The following ZNF778 variants were observed in gnomAD, a reference collection of about 807,000 sequenced individuals.
ZNF778 encodes the protein zinc finger protein 778.
A neutral mutation model predicts 23.9 loss-of-function variants in ZNF778; 37 were observed. The ratio of observed to expected loss-of-function variants is 1.54; its 90% CI spans 1.19 to 2.03. The LOEUF (loss-of-function observed/expected upper bound fraction) is 2.03, where lower values mean the gene tolerates loss of function less well. ZNF778 is among the 30% of genes most tolerant of loss of function. The pLI, the probability that ZNF778 is intolerant of heterozygous loss-of-function variation, is 0.00. For missense variants in ZNF778, 1,297 were observed against 934.4 expected (o/e 1.39, Z -5.06); for synonymous variants, 483 against 343.9 (o/e 1.40, Z -4.48).
rs774121577 is a variant in ZNF778, at chr16:89,222,168, G to A, written c.102G>A (p.Leu34=). 1.9e-6 allele frequency: 3 copies of A among 1,604,938 alleles called. No homozygotes were observed. Among genetic ancestry groups the A allele is most frequent in the Admixed American group, 1.7e-5 (1 of 59,030 alleles). The change falls in exon 3 of 7, where the codon CTG becomes CTA. Residue 34 remains leucine, a synonymous_variant. Transcript: ENST00000433976. The part of the protein sequence containing the change: ...TQAAGMVAGW[L]INCYQDAVTF... Reference sequence around the variant, plus strand: ...CAGCAGGGATGGTGGCTGGCTGGCTGATAAATTGTTACCAGGTATGCCAAA... The same window carrying A: ...CAGCAGGGATGGTGGCTGGCTGGCTAATAAATTGTTACCAGGTATGCCAAA...
intron 4 of ZNF778, chr16:89,224,489 G>T (rs2031283143): frequency 4.9e-6 from 2 of 404,678 alleles, no homozygotes; most frequent in East Asian, 8.7e-5. Context: ...CGTGGTGGCG[G>T]GCACCTATAG....
rs766303066 is a variant in ZNF778 at position 89,228,345 on chromosome 16, C to T, written c.2057C>T (p.Ser686Phe). The change falls in exon 7 of 7, where the codon TCT (serine) becomes TTT (phenylalanine). Residue 686 changes from serine (S) to phenylalanine (F), a missense_variant. Coordinates refer to ENST00000433976, the MANE Select transcript of ZNF778 (RefSeq NM_001201407.2). ...NECGKAFRAS[S>F]HLHKHGRIHT... ...TGTGGGAAAGCCTTCCGTGCCTCCT[C>T]TCACCTGCATAAACATGGAAGAATT... 9 of 1,613,590 alleles carry T rather than the reference C, an allele frequency of 5.6e-6. No homozygotes were observed. In the East Asian group the frequency reaches 1.1e-4, roughly 20 times the overall value.
chr16:89,223,087 G>C (rs2031124783), intron 3 of ZNF778, 70 bp from the exon 4 acceptor site: 4 of 1,556,728 alleles, frequency 2.6e-6, no homozygotes, highest in Non-Finnish European at 3.5e-6. Flanking sequence ...GTAGGGCCCC[G>C]CCTCCTCATT....
In ZNF778 at chr16:89,228,354, A is replaced by G. The variant is rs866553976; in HGVS notation, c.2066A>G (p.His689Arg). The G allele has an allele frequency of 1.2e-6, 2 of 1,613,616 alleles. No individual in the cohort carries two copies. Among genetic ancestry groups the G allele is most frequent in the Non-Finnish European group, 1.7e-6 (2 of 1,179,748 alleles). The change falls in exon 7 of 7, where the codon CAT becomes CGT. Residue 689 changes from histidine (H) to arginine (R), a missense_variant. Transcript: ENST00000433976. ...GCCTTCCGTGCCTCCTCTCACCTGC[A>G]TAAACATGGAAGAATTCACACTGGG... is the stretch of plus-strand genomic sequence containing the variant. ...GKAFRASSHL[H>R]KHGRIHTGQK... is the part of the protein sequence containing the mutation.
rs1231279200 is a variant in ZNF778, at chr16:89,233,255, TCGC to T, written c.*4694_*4696del. On this transcript the variant is annotated 3_prime_UTR_variant, in exon 7 of 7. Coordinates refer to ENST00000433976, the MANE Select transcript of ZNF778 (RefSeq NM_001201407.2). Reference sequence around the variant, plus strand: ...GCTCGCTCTGCGTATGCAACTCAGCTCGCTCTGCGTATGCAACTCAGCTCGCAC... The same window carrying T: ...GCTCGCTCTGCGTATGCAACTCAGCTTCTGCGTATGCAACTCAGCTCGCAC... 7.8e-7 allele frequency: 1 copy of T among 1,275,772 alleles called. No individual in the cohort carries two copies. The highest frequency in any genetic ancestry group is 1.0e-6 in the Non-Finnish European group (1 of 986,646). 79.0% of individuals were successfully genotyped at this position (1,275,772 alleles called of 1,614,324 possible).
intron 1 of ZNF778, among the ~76,000 whole-genome samples, chr16:89,220,689 A>G (rs1408643931): frequency 6.6e-6 from 1 of 152,158 alleles, no homozygotes; most frequent in East Asian, 1.9e-4. Flanking sequence ...AGATGGTCGA[A>G]CATGTACCAG....
chr16:89,228,553 A>C lies in ZNF778; in HGVS notation c.2265A>C (p.Lys755Asn), dbSNP rs1249881288. The change falls in exon 7 of 7, where the codon AAA becomes AAC. Residue 755 changes from lysine (K) to asparagine (N), a missense_variant. Coordinates refer to ENST00000433976, the MANE Select transcript of ZNF778 (RefSeq NM_001201407.2). ...NHHTQIHTDE[K>N]PF ...ACACTCAAATTCACACTGATGAGAA[A>C]CCTTTCTAATGTAAAGAATGTGGGG... is the stretch of plus-strand genomic sequence containing the variant. 4 of 1,576,890 alleles carry C rather than the reference A, an allele frequency of 2.5e-6. No individual in the cohort carries two copies. Among genetic ancestry groups the C allele is most frequent in the Non-Finnish European group, 3.4e-6 (4 of 1,165,288 alleles).
rs1465849923 is a variant in ZNF778 at position 89,227,723 on chromosome 16, T to C, written c.1435T>C (p.Cys479Arg). The change falls in exon 7 of 7, where the codon TGT becomes CGT. Residue 479 changes from cysteine to arginine, a missense_variant. Transcript: ENST00000433976. ...TCACACTGGAGAGAAACCATATGAATGTAAAGATTGTGGGAAATCCTTCAC... is the reference window on the plus strand; with the variant it reads ...TCACACTGGAGAGAAACCATATGAACGTAAAGATTGTGGGAAATCCTTCAC... ...RTHTGEKPYE[C>R]KDCGKSFTVS... is the part of the protein sequence containing the mutation. 5 of 1,614,028 alleles carry C rather than the reference T, an allele frequency of 3.1e-6. No homozygotes were observed. The African/African-American group carries it at 6.7e-5, about 22-fold the overall frequency.
chr16:89,233,555 C>A lies in ZNF778; in HGVS notation c.*4993C>A. 7.8e-7 allele frequency: 1 copy of A among 1,287,940 alleles called. No individual in the cohort carries two copies. The highest frequency in any genetic ancestry group is 1.2e-5 in the South Asian group (1 of 80,598). 79.8% of individuals were successfully genotyped at this position (1,287,940 alleles called of 1,614,324 possible). On this transcript the variant is annotated 3_prime_UTR_variant, in exon 7 of 7. Coordinates refer to ENST00000433976, the MANE Select transcript of ZNF778 (RefSeq NM_001201407.2). ...ACTGCGTATGCAAATCAACTCACTGCATATGCAACTCAGCTCGCACTGCAT... is the reference window on the plus strand; with the variant it reads ...ACTGCGTATGCAAATCAACTCACTGAATATGCAACTCAGCTCGCACTGCAT...
At position 89,228,850 on chromosome 16, in the gene ZNF778, C is replaced by T. The variant is rs964233814; in HGVS notation, c.*288C>T. 29 of 1,101,680 alleles carry T rather than the reference C, an allele frequency of 2.6e-5. No individual in the cohort carries two copies. The African/African-American group carries it at 4.7e-4, about 18-fold the overall frequency. The allele number at this position is 1,101,680 out of a possible 1,614,324, so 68.2% of individuals were successfully genotyped here. On this transcript the variant is annotated 3_prime_UTR_variant, in exon 7 of 7. Coordinates refer to ENST00000433976, the MANE Select transcript of ZNF778 (RefSeq NM_001201407.2). ...TGTTCTGCTCAGTACTTTGATGATC[C>T]CTTGTGATCTCACAATGAAGAAAAA...
Position 89,229,576 on chromosome 16 carries a change from G to T in ZNF778, c.*1014G>T. 1.0e-6 allele frequency: 1 copy of T among 981,692 alleles called. No homozygotes were observed. The highest frequency in any genetic ancestry group is 1.2e-6 in the Non-Finnish European group (1 of 829,504). 60.8% of individuals were successfully genotyped at this position (981,692 alleles called of 1,614,324 possible). A position where few individuals can be genotyped will look rare whatever the true frequency, so the allele number is the denominator to read the frequency against. On this transcript the variant is annotated 3_prime_UTR_variant, in exon 7 of 7. Coordinates refer to ENST00000433976, the MANE Select transcript of ZNF778 (RefSeq NM_001201407.2). ...GGATCCAGATGTGATTCTGTGAGCAGCGTAGGCTCTGGTTGGTTAGTCTTG... is the reference window on the plus strand; with the variant it reads ...GGATCCAGATGTGATTCTGTGAGCATCGTAGGCTCTGGTTGGTTAGTCTTG...
At position 89,218,517 on chromosome 16, in the gene ZNF778, C is replaced by T. The variant is rs186216864; in HGVS notation, c.-132+607C>T. ...CTAAGAAAATTAAAATTAGGCCGGG[C>T]GCGGTGGCTCACGCCTGTAATCCCA... On this transcript the variant is annotated intron_variant, in intron 1 of 6. Coordinates refer to ENST00000433976, the MANE Select transcript of ZNF778 (RefSeq NM_001201407.2). Among the ~76,000 whole-genome samples the T allele has an allele frequency of 6.2e-4, 95 of 152,350 alleles. 1 individual carries two copies. In the East Asian group the frequency reaches 0.017, roughly 27 times the overall value.
rs745459742 is a variant in ZNF778, at chr16:89,226,993, T to G, written c.705T>G (p.Leu235=). 3 of 1,614,010 alleles carry G rather than the reference T, an allele frequency of 1.9e-6. No homozygotes were observed. Among genetic ancestry groups the G allele is most frequent in the South Asian group, 2.2e-5 (2 of 91,082 alleles). The part of the protein sequence containing the change: ...LDYSSCGEVF[L]NQSYLQARAG... ...ACAGCAGCTGTGGGGAAGTGTTCCT[T>G]AATCAGTCATACCTTCAGGCACGTG... Residue 235 remains leucine (L), a synonymous_variant, in exon 7 of 7, where the codon CTT becomes CTG. Transcript: ENST00000433976.
At position 89,221,154 on chromosome 16, in the gene ZNF778, T is replaced by G; in HGVS notation, c.25+2T>G. 1 of 1,562,556 alleles carries G rather than the reference T, an allele frequency of 6.4e-7. No individual in the cohort carries two copies. Among genetic ancestry groups the G allele is most frequent in the Non-Finnish European group, 8.7e-7 (1 of 1,153,142 alleles). Reference sequence around the variant, plus strand: ...TGGCAGCCCCTGACCTGGCCCACGGTAAGTCCTGGTGGGGCTCCTTCTCAG... The same window carrying G: ...TGGCAGCCCCTGACCTGGCCCACGGGAAGTCCTGGTGGGGCTCCTTCTCAG... On this transcript the variant is annotated splice_donor_variant, in intron 2 of 6. Coordinates refer to ENST00000433976, the MANE Select transcript of ZNF778 (RefSeq NM_001201407.2). LOFTEE classifies it high-confidence loss of function.
intron 3 of ZNF778, 140 bp from the exon 4 acceptor site, chr16:89,223,017 G>C (rs2031118795): frequency 9.9e-7 from 1 of 1,006,674 alleles, no homozygotes; most frequent in Admixed American, 3.1e-5. Context: ...GGGCAGAGAA[G>C]GGTTCCTGGG....
At position 89,229,173 on chromosome 16, in the gene ZNF778, G is replaced by T. The variant is rs1304552178; in HGVS notation, c.*611G>T. 3.0e-6 allele frequency: 3 copies of T among 985,874 alleles called. No homozygotes were observed. Among genetic ancestry groups the T allele is most frequent in the East Asian group, 1.1e-4 (1 of 8,844 alleles). The allele number at this position is 985,874 out of a possible 1,614,324, so 61.1% of individuals were successfully genotyped here. A position where few individuals can be genotyped will look rare whatever the true frequency, so the allele number is the denominator to read the frequency against. ...CCACGTCGCAGCCTGGCTAACAGTA[G>T]GCCTTGAGGACTCAGATGTGATCCT... On this transcript the variant is annotated 3_prime_UTR_variant, in exon 7 of 7. Transcript: ENST00000433976.
At position 89,226,943 on chromosome 16, in the gene ZNF778, T is replaced by C. The variant is rs2031525355; in HGVS notation, c.655T>C (p.Cys219Arg). 6.2e-7 allele frequency: 1 copy of C among 1,613,918 alleles called. No homozygotes were observed. The highest frequency in any genetic ancestry group is 8.5e-7 in the Non-Finnish European group (1 of 1,179,908). Residue 219 changes from cysteine (C) to arginine (R), a missense_variant, in exon 7 of 7, where the codon TGC becomes CGC. Cys to Arg is a radical substitution (Grantham distance 180, BLOSUM62 -3). Coordinates refer to ENST00000433976, the MANE Select transcript of ZNF778 (RefSeq NM_001201407.2). ...STPNVVSQQA[C>R]TRDRSLDYSS... ...TCCAAATGTTGTTTCCCAGCAAGCA[T>C]GCACTCGGGACAGATCTCTTGACTA...
Position 89,228,712 on chromosome 16 carries a change from C to G in ZNF778, c.*150C>G. On this transcript the variant is annotated 3_prime_UTR_variant, in exon 7 of 7. Transcript: ENST00000433976. Reference sequence around the variant, plus strand: ...GGCAGGCAGGAACTCACCCTGGAGCCCTATGCAGCAGACACAGAGAAAGCC... The same window carrying G: ...GGCAGGCAGGAACTCACCCTGGAGCGCTATGCAGCAGACACAGAGAAAGCC... The G allele has an allele frequency of 6.9e-7, 1 of 1,444,326 alleles. No individual in the cohort carries two copies. Among genetic ancestry groups the G allele is most frequent in the Non-Finnish European group, 9.1e-7 (1 of 1,103,364 alleles). The allele number at this position is 1,444,326 out of a possible 1,614,324, so 89.5% of individuals were successfully genotyped here. A position where few individuals can be genotyped will look rare whatever the true frequency, so the allele number is the denominator to read the frequency against.
At chr16:89,218,757 C>T (rs1374948378) in intron 1 of ZNF778, among the ~76,000 whole-genome samples, 1 of 151,908 alleles carries the variant, frequency 6.6e-6, no homozygotes. Context: ...CGCCACTGCA[C>T]TCCAGCCTGG....
Sources: gnomAD v4.1 joint callset for allele counts (sites outside exome capture counted in the v4.1 genomes callset) on GRCh38, gnomAD v4.1.1 for gene constraint, MANE v1.5 for transcripts, NCBI Gene and HGNC (gene_info 2026-07-23, HGNC 2026-07-21) for gene names.